The following RTN4RL1 variants were observed in gnomAD, a reference collection of about 807,000 sequenced individuals.
The protein encoded by RTN4RL1 is reticulon-4 receptor-like 1.
Under a neutral mutation model 25.6 loss-of-function variants are expected in RTN4RL1, and 7 were observed. The observed-to-expected ratio is 0.27, with a 90% CI of 0.16 to 0.51. RTN4RL1 has a LOEUF of 0.51. RTN4RL1 is among the 20% of genes least tolerant of loss of function. The pLI, the probability that RTN4RL1 is intolerant of heterozygous loss-of-function variation, is 0.97. For missense variants in RTN4RL1, 500 were observed against 615.6 expected (o/e 0.81, Z 1.99); for synonymous variants, 297 against 288.2 (o/e 1.03, Z -0.31).
At chr17:2,023,154 C>T (rs966944545) in intron 1 of RTN4RL1, among the ~76,000 whole-genome samples, 8 of 152,226 alleles carry the variant, frequency 5.3e-5, no homozygotes, top group African/African-American at 1.9e-4. Context: ...ACCTGCAGCC[C>T]AGACATGGCG....
intron 1 of RTN4RL1, among the ~76,000 whole-genome samples, chr17:1,987,277 C>T (rs2066891273): frequency 1.3e-5 from 2 of 152,164 alleles, no homozygotes; most frequent in Admixed American, 6.5e-5. Flanking sequence ...TCAACACCTG[C>T]TCCCAGGCCT....
At chr17:1,985,681 T>A (rs775221109) in intron 1 of RTN4RL1, among the ~76,000 whole-genome samples, 2 of 152,160 alleles carry the variant, frequency 1.3e-5, no homozygotes, top group Non-Finnish European at 2.9e-5. Flanking sequence ...AATTACATTG[T>A]CACAGTACAG....
rs1435776419 is a variant in RTN4RL1, at chr17:1,983,332, C to T, written c.13+41521G>A. On this transcript the variant is annotated intron_variant, in intron 1 of 1. Transcript: ENST00000331238. The stretch of plus-strand genomic sequence containing the variant: ...AAGGGCTGGGATGACAGGCGTGAGC[C>T]GCCACACCTGGCCGAGACCTCACAT... 2.6e-5 allele frequency among the ~76,000 whole-genome samples: 4 copies of T among 151,888 alleles called. No individual in the cohort carries two copies. The East Asian group carries it at 5.8e-4, about 22-fold the overall frequency.
chr17:1,964,740 AATT>A (rs1419777046), intron 1 of RTN4RL1, among the ~76,000 whole-genome samples: 2 of 150,264 alleles, frequency 1.3e-5, no homozygotes, highest in African/African-American at 4.9e-5. Flanking sequence ...TCTAAAAAAA[AATT>A]TTTTTAATTA....
chr17:1,938,204 T>C (rs1915355491), intron 1 of RTN4RL1, among the ~76,000 whole-genome samples: 1 of 152,248 alleles, frequency 6.6e-6, no homozygotes, highest in African/African-American at 2.4e-5. Context: ...GTTGTTGTTA[T>C]CTGTGCTCAC....
intron 1 of RTN4RL1, among the ~76,000 whole-genome samples, chr17:1,977,503 G>A (rs968055982): frequency 6.6e-6 from 1 of 152,114 alleles, no homozygotes; most frequent in Non-Finnish European, 1.5e-5. Context: ...GAGCGGGGTC[G>A]AGAGCCGCCC....
At position 1,936,422 on chromosome 17, in the gene RTN4RL1, G is replaced by A. The variant is rs1915304523; in HGVS notation, c.*74C>T. 10 of 1,462,786 alleles carry A rather than the reference G, an allele frequency of 6.8e-6. No homozygotes were observed. Among genetic ancestry groups the A allele is most frequent in the Admixed American group, 2.6e-5 (1 of 38,662 alleles). The allele number at this position is 1,462,786 out of a possible 1,614,324, so 90.6% of individuals were successfully genotyped here. On this transcript the variant is annotated 3_prime_UTR_variant, in exon 2 of 2. Transcript: ENST00000331238. Reference sequence around the variant, plus strand: ...CTGAAACCCAGCAGATCTTCCACTTGTTAAAAAAAGAAGAAAATAAATTCT... The same window carrying A: ...CTGAAACCCAGCAGATCTTCCACTTATTAAAAAAAGAAGAAAATAAATTCT...
rs533575098 is a variant in RTN4RL1, at chr17:2,004,066, GTC to G, written c.13+20785_13+20786del. On this transcript the variant is annotated intron_variant, in intron 1 of 1. Coordinates refer to ENST00000331238, the MANE Select transcript of RTN4RL1 (RefSeq NM_178568.4). ...AGCCTGGGCAACAGAGTGAGACCCTGTCTCAAAAAAACAAAAAGCAGGCCGGG... is the reference window on the plus strand; with the variant it reads ...AGCCTGGGCAACAGAGTGAGACCCTGTCAAAAAAACAAAAAGCAGGCCGGG... Among the ~76,000 whole-genome samples, 7 of 143,544 alleles carry G rather than the reference GTC, an allele frequency of 4.9e-5. No homozygotes were observed. The South Asian group carries it at 1.3e-3, about 27-fold the overall frequency. The allele number at this position is 143,544 out of a possible 152,430, so 94.2% of individuals were successfully genotyped here.
At chr17:1,979,827 C>A (rs1018199442) in intron 1 of RTN4RL1, among the ~76,000 whole-genome samples, 1 of 152,208 alleles carries the variant, frequency 6.6e-6, no homozygotes, top group Non-Finnish European at 1.5e-5. Flanking sequence ...CTCCTCCCCC[C>A]TTGACTGCCG....
At chr17:2,013,045 C>T (rs866643717) in intron 1 of RTN4RL1, among the ~76,000 whole-genome samples, 9 of 152,170 alleles carry the variant, frequency 5.9e-5, no homozygotes, top group South Asian at 2.1e-4. Flanking sequence ...CCGCCCTCCT[C>T]GGCCTCCCAA....
At chr17:1,950,158 TG>T (rs1215917934) in intron 1 of RTN4RL1, among the ~76,000 whole-genome samples, 2 of 148,562 alleles carry the variant, frequency 1.3e-5, no homozygotes, top group South Asian at 2.1e-4. Context: ...GAGGGTGAGT[TG>T]GGGGGGAGCA....
In RTN4RL1 at chr17:1,937,541, C is replaced by G; in HGVS notation, c.281G>C (p.Ser94Thr). The stretch of plus-strand genomic sequence containing the variant: ...CAGGTGCACGAAGCCCTCGAAGGTG[C>G]TGGGGTGGATGTAGGTGATGTTGTT... ...YSNNITYIHP[S>T]TFEGFVHLEE... Residue 94 changes from serine to threonine, a missense_variant, in exon 2 of 2, where the codon AGC becomes ACC. Ser to Thr is a moderately conservative substitution (Grantham distance 58, BLOSUM62 1). Coordinates refer to ENST00000331238, the MANE Select transcript of RTN4RL1 (RefSeq NM_178568.4). The G allele has an allele frequency of 6.2e-7, 1 of 1,613,938 alleles. No individual in the cohort carries two copies. The highest frequency in any genetic ancestry group is 1.1e-5 in the South Asian group (1 of 91,074).
At chr17:1,947,782 A>C (rs1175330962) in intron 1 of RTN4RL1, among the ~76,000 whole-genome samples, 1 of 152,068 alleles carries the variant, frequency 6.6e-6, no homozygotes, top group Non-Finnish European at 1.5e-5. Context: ...GGACGCTGGC[A>C]CTCTGACAGC....
chr17:2,020,819 G>A (rs1234149502), intron 1 of RTN4RL1: 1 of 152,230 alleles, frequency 6.6e-6, no homozygotes, highest in Non-Finnish European at 1.5e-5. Context: ...TATTAGCCCA[G>A]AGGCTCTGGA....
intron 1 of RTN4RL1, among the ~76,000 whole-genome samples, chr17:1,965,110 C>A (rs1490081829): frequency 2.2e-5 from 3 of 136,418 alleles, no homozygotes; most frequent in South Asian, 2.4e-4. Flanking sequence ...TCTTTTCTTT[C>A]TTTCTTTTTT....
chr17:1,979,100 C>G (rs970117000), intron 1 of RTN4RL1, among the ~76,000 whole-genome samples: 3 of 152,254 alleles, frequency 2.0e-5, no homozygotes, highest in African/African-American at 7.2e-5. Context: ...CGGTGAAACA[C>G]CATCTCTACT....
intron 1 of RTN4RL1, among the ~76,000 whole-genome samples, chr17:1,987,699 A>C (rs2151318240): frequency 6.7e-6 from 1 of 150,344 alleles, no homozygotes; most frequent in African/African-American, 2.4e-5. Context: ...CCTGCACTGC[A>C]GATGTGTGTG....
At chr17:1,941,659 A>G (rs934016130) in intron 1 of RTN4RL1, among the ~76,000 whole-genome samples, 1 of 151,960 alleles carries the variant, frequency 6.6e-6, no homozygotes, top group African/African-American at 2.4e-5. Context: ...TACTGCCCAG[A>G]TGCAGGGGAC....
intron 1 of RTN4RL1, among the ~76,000 whole-genome samples, chr17:1,993,635 C>A (rs1341719757): frequency 6.6e-6 from 1 of 152,072 alleles, no homozygotes; most frequent in Non-Finnish European, 1.5e-5. Context: ...ATAAAGCATC[C>A]GTTCCCTTCC....
Sources: gnomAD v4.1 joint callset for allele counts (sites outside exome capture counted in the v4.1 genomes callset) on GRCh38, gnomAD v4.1.1 for gene constraint, MANE v1.5 for transcripts, NCBI Gene and HGNC (gene_info 2026-07-23, HGNC 2026-07-21) for gene names.